TBXAS1: variants seen among roughly 807,000 people sequenced by gnomAD.
The protein encoded by TBXAS1 is thromboxane-A synthase.
A neutral mutation model predicts 60.7 loss-of-function variants in TBXAS1; 48 were observed. That is an observed-to-expected ratio of 0.79 (90% CI 0.63 to 1.01). TBXAS1 has a LOEUF of 1.01. Among genes scored for constraint, TBXAS1 ranks in the 50% least tolerant of loss-of-function variants. The pLI is 0.00. For missense variants in TBXAS1, 685 were observed against 686.3 expected (o/e 1.00, Z 0.02); for synonymous variants, 287 against 269.7 (o/e 1.06, Z -0.63).
In TBXAS1 at chr7:139,896,683, C is replaced by A. The variant is rs1252495034; in HGVS notation, c.237-14542C>A. Among the ~76,000 whole-genome samples, 3 of 152,126 alleles carry A rather than the reference C, an allele frequency of 2.0e-5. No homozygotes were observed. The highest frequency in any genetic ancestry group is 4.4e-5 in the Non-Finnish European group (3 of 68,020). ...TGAACTTATCTACTTAGAAATGAGA[C>A]TGTGGGGTTCTTCTTTTGGCCTGGG... On this transcript the variant is annotated intron_variant, in intron 3 of 12. Coordinates refer to ENST00000448866, the MANE Select transcript of TBXAS1 (RefSeq NM_001061.7). The surrounding 1 kb of genome is among the most constrained non-coding windows in gnomAD (Gnocchi z 4.0).
chr7:139,986,773 G>A (rs1812507818), intron 9 of TBXAS1, among the ~76,000 whole-genome samples: 1 of 47,116 alleles, frequency 2.1e-5, no homozygotes, highest in Admixed American at 3.2e-4. Context: ...GTGTGTGTGT[G>A]TGTGTGTGTG....
rs183154835 is a variant in TBXAS1 at position 139,890,978 on chromosome 7, G to A, written c.236+15341G>A. Among the ~76,000 whole-genome samples the A allele has an allele frequency of 4.6e-5, 7 of 151,740 alleles. No homozygotes were observed. In the East Asian group the frequency reaches 5.8e-4, roughly 13 times the overall value. The stretch of plus-strand genomic sequence containing the variant: ...CTTAGTTTATGCCAATAGTACTGCC[G>A]TAGATCTCATTCTATTCCTTAGTTT... On this transcript the variant is annotated intron_variant, in intron 3 of 12. Coordinates refer to ENST00000448866, the MANE Select transcript of TBXAS1 (RefSeq NM_001061.7).
chr7:139,854,533 G>A (rs560169521), intron 1 of TBXAS1, among the ~76,000 whole-genome samples: 2 of 152,180 alleles, frequency 1.3e-5, no homozygotes, highest in Non-Finnish European at 2.9e-5. Flanking sequence ...AGAAGCTAGA[G>A]GCTGGGAGGC....
In TBXAS1 at chr7:139,936,260, G is replaced by T; in HGVS notation, c.403G>T (p.Val135Phe). The change falls in exon 5 of 13, where the codon GTC becomes TTC. Residue 135 changes from valine (V) to phenylalanine (F), a missense_variant. Coordinates refer to ENST00000448866, the MANE Select transcript of TBXAS1 (RefSeq NM_001061.7). ...LFLRDKRWEE[V>F]RGALMSAFSP... ...TTTACGTGACAAAAGATGGGAAGAG[G>T]TCAGAGGTGCCCTGATGTCTGCTTT... The T allele has an allele frequency of 6.2e-7, 1 of 1,614,220 alleles. No homozygotes were observed. Among genetic ancestry groups the T allele is most frequent in the South Asian group, 1.1e-5 (1 of 91,086 alleles).
chr7:139,839,059 C>G (rs151243578), intron 1 of TBXAS1, among the ~76,000 whole-genome samples: 5 of 152,208 alleles, frequency 3.3e-5, no homozygotes, highest in African/African-American at 1.2e-4. Flanking sequence ...ATCTTTCAAG[C>G]AACACCTAAG....
chr7:139,779,070 C>T (rs910540285), intron 1 of TBXAS1, among the ~76,000 whole-genome samples: 1 of 152,066 alleles, frequency 6.6e-6, no homozygotes, highest in African/African-American at 2.4e-5. Flanking sequence ...CCTTTTGTTT[C>T]GATTATAGGT....
intron 4 of TBXAS1, among the ~76,000 whole-genome samples, chr7:139,912,320 A>C (rs148952629): frequency 1.8e-4 from 28 of 152,176 alleles, no homozygotes; most frequent in Middle Eastern, 3.4e-3. Context: ...TTTTCCAAAA[A>C]TAGGGAGATA....
At chr7:139,951,348 A>G (rs1809237465) in intron 5 of TBXAS1, among the ~76,000 whole-genome samples, 1 of 152,002 alleles carries the variant, frequency 6.6e-6, no homozygotes, top group African/African-American at 2.4e-5. Context: ...ACACCAATCC[A>G]CACCTGAAAT....
At chr7:139,992,719 G>T (rs1054041362) in intron 9 of TBXAS1, among the ~76,000 whole-genome samples, 2 of 152,254 alleles carry the variant, frequency 1.3e-5, no homozygotes, top group Non-Finnish European at 2.9e-5. Context: ...GCCCTCAGAA[G>T]CACTCAGCTC....
In TBXAS1 at chr7:139,955,499, G is replaced by A. The variant is rs769131779; in HGVS notation, c.580G>A (p.Ala194Thr). 2.8e-5 allele frequency: 45 copies of A among 1,614,076 alleles called. No individual in the cohort carries two copies. The highest frequency in any genetic ancestry group is 1.2e-4 in the South Asian group (11 of 91,084). Residue 194 changes from alanine to threonine, a missense_variant, in exon 7 of 13, where the codon GCC (alanine) becomes ACC (threonine). Ala to Thr is a moderately conservative substitution (Grantham distance 58). Transcript: ENST00000448866. Reference sequence around the variant, plus strand: ...CACCACAGATGTGGTTGCCAGCGTCGCCTTTGGCACCCCGGTGGACTCCTG... The same window carrying A: ...CACCACAGATGTGGTTGCCAGCGTCACCTTTGGCACCCCGGTGGACTCCTG... Reference protein sequence around the residue: ...NYTTDVVASVAFGTPVDSWQA... With the variant: ...NYTTDVVASVTFGTPVDSWQA...
intron 1 of TBXAS1, among the ~76,000 whole-genome samples, chr7:139,864,709 A>G (rs1801223023): frequency 6.6e-6 from 1 of 152,244 alleles, no homozygotes; most frequent in Non-Finnish European, 1.5e-5. Flanking sequence ...AAGCACCTAT[A>G]CTACTGAGGA....
At chr7:139,838,889 T>G (rs1799242144) in intron 1 of TBXAS1, among the ~76,000 whole-genome samples, 1 of 152,202 alleles carries the variant, frequency 6.6e-6, no homozygotes, top group South Asian at 2.1e-4. Context: ...ATGGAGCACA[T>G]GCTAAGACGA....
At chr7:140,000,315 C>A (rs985765356) in intron 9 of TBXAS1, among the ~76,000 whole-genome samples, 1 of 152,086 alleles carries the variant, frequency 6.6e-6, no homozygotes, top group African/African-American at 2.4e-5. Flanking sequence ...GCCTGGGCAA[C>A]ATAGTGAGAT....
At chr7:139,861,757 T>C (rs1800983956) in intron 1 of TBXAS1, among the ~76,000 whole-genome samples, 1 of 152,226 alleles carries the variant, frequency 6.6e-6, no homozygotes, top group Admixed American at 6.5e-5. Flanking sequence ...TTTGGTCCAT[T>C]GCAATTATTA....
At chr7:139,899,512 G>C (rs1804408229) in intron 3 of TBXAS1, among the ~76,000 whole-genome samples, 1 of 152,160 alleles carries the variant, frequency 6.6e-6, no homozygotes, top group Admixed American at 6.5e-5. Context: ...TCAAACAAGT[G>C]GTTATTTTTG....
intron 9 of TBXAS1, among the ~76,000 whole-genome samples, chr7:139,976,329 G>A (rs537721000): frequency 4.6e-5 from 7 of 152,148 alleles, no homozygotes; most frequent in Non-Finnish European, 1.0e-4. Context: ...GGAGCCGGGG[G>A]ACAGCCCTGC....
intron 4 of TBXAS1, among the ~76,000 whole-genome samples, chr7:139,794,016 A>C (rs1797472896): frequency 6.6e-6 from 1 of 152,158 alleles, no homozygotes; most frequent in Non-Finnish European, 1.5e-5. Context: ...AAGAAAATGC[A>C]TCTTAATGCT....
At chr7:139,937,253 C>A (rs1308360571) in intron 5 of TBXAS1, among the ~76,000 whole-genome samples, 4 of 152,196 alleles carry the variant, frequency 2.6e-5, no homozygotes, top group African/African-American at 9.6e-5. Context: ...AAGGGAGCTT[C>A]CAAAGCTTGG....
intron 4 of TBXAS1, among the ~76,000 whole-genome samples, chr7:139,931,338 G>C (rs1187771197): frequency 6.6e-6 from 1 of 152,152 alleles, no homozygotes; most frequent in Admixed American, 6.5e-5. Context: ...TGACAGACAG[G>C]AGCCTCGAAA....
Sources: allele counts gnomAD v4.1 joint callset (sites outside exome capture counted in the v4.1 genomes callset), GRCh38; gene constraint gnomAD v4.1.1; non-coding constraint Gnocchi (gnomAD v3.1); transcripts MANE v1.5; gene names NCBI Gene and HGNC (gene_info 2026-07-23, HGNC 2026-07-21).